The following OPCML variants were observed in gnomAD, a reference collection of about 807,000 sequenced individuals.
OPCML encodes opioid binding protein/cell adhesion molecule like, also known as opioid-binding protein/cell adhesion molecule.
A neutral mutation model predicts 37.8 loss-of-function variants in OPCML; 13 were observed. The observed-to-expected ratio is 0.34, with a 90% confidence interval of 0.22 to 0.55. OPCML has a LOEUF of 0.55. OPCML is among the 20% of genes least tolerant of loss of function. The pLI is 0.91. For missense variants in OPCML, 341 were observed against 435.6 expected (o/e 0.78, Z 1.93); for synonymous variants, 176 against 168.8 (o/e 1.04, Z -0.33).
chr11:132,466,811 T>C (rs2096121508), intron 4 of OPCML, among the ~76,000 whole-genome samples: 1 of 152,166 alleles, frequency 6.6e-6, no homozygotes, highest in Admixed American at 6.5e-5. Flanking sequence ...TACACATTCA[T>C]CCATTTTGGA....
intron 2 of OPCML, among the ~76,000 whole-genome samples, chr11:132,922,931 A>T (rs756097492): frequency 1.3e-5 from 2 of 151,080 alleles, no homozygotes; most frequent in Admixed American, 1.3e-4. Context: ...GTTTTTTTTT[A>T]AATTAGCCAG....
chr11:132,704,164 G>A (rs1207204836), intron 2 of OPCML, among the ~76,000 whole-genome samples: 1 of 152,140 alleles, frequency 6.6e-6, no homozygotes, highest in Non-Finnish European at 1.5e-5. Flanking sequence ...TAGTGCTTGT[G>A]TCTACAGGAA....
intron 2 of OPCML, chr11:132,771,779 G>A (rs934285315): frequency 2.0e-5 from 3 of 152,204 alleles, no homozygotes; most frequent in Non-Finnish European, 4.4e-5. Flanking sequence ...CCCAGACTGC[G>A]ATTCTGCACA....
chr11:132,640,494 C>A (rs919548468), intron 3 of OPCML, among the ~76,000 whole-genome samples: 1 of 152,174 alleles, frequency 6.6e-6, no homozygotes, highest in East Asian at 1.9e-4. Flanking sequence ...TGTTTGAGTT[C>A]TCTCCAACCA....
chr11:132,826,251 G>T (rs1271885719), intron 2 of OPCML, among the ~76,000 whole-genome samples: 6 of 152,198 alleles, frequency 3.9e-5, no homozygotes. Flanking sequence ...ACAAGCTCCT[G>T]TTGGCTTGGA....
At chr11:133,009,932 A>T (rs1947185328) in intron 1 of OPCML, among the ~76,000 whole-genome samples, 1 of 152,238 alleles carries the variant, frequency 6.6e-6, no homozygotes, top group African/African-American at 2.4e-5. Flanking sequence ...GCCATTAGAA[A>T]GCATTCAGAG....
At chr11:132,978,882 A>C (rs1367939141) in intron 1 of OPCML, among the ~76,000 whole-genome samples, 1 of 152,158 alleles carries the variant, frequency 6.6e-6, no homozygotes, top group Non-Finnish European at 1.5e-5. Flanking sequence ...TCATCTGCTC[A>C]GTTACCCTCT....
intron 2 of OPCML, among the ~76,000 whole-genome samples, chr11:132,933,977 A>G (rs871437): frequency 0.21 from 31,735 of 152,020 alleles, 4,725 homozygotes; most frequent in African/African-American, 0.41. Context: ...CCATCACAGG[A>G]GGTTCCAAAC....
intron 1 of OPCML, among the ~76,000 whole-genome samples, chr11:133,082,854 G>A (rs1268967003): frequency 6.7e-6 from 1 of 149,584 alleles, no homozygotes; most frequent in Non-Finnish European, 1.5e-5. Context: ...GCAGGGTGCC[G>A]GGGGCCCCTC....
intron 2 of OPCML, 127 bp downstream of exon 2, chr11:132,942,799 G>T: frequency 8.3e-7 from 1 of 1,208,456 alleles, no homozygotes. Flanking sequence ...GCAAGCGGGC[G>T]CCCCTCGGGC....
chr11:133,356,505 C>A (rs982451042), intron 1 of OPCML, among the ~76,000 whole-genome samples: 24 of 152,268 alleles, frequency 1.6e-4, no homozygotes, highest in African/African-American at 5.3e-4. Context: ...GGTTGTCAGG[C>A]GCCTTGTCAC....
chr11:133,251,203 A>G (rs1380116574), intron 1 of OPCML, among the ~76,000 whole-genome samples: 2 of 152,198 alleles, frequency 1.3e-5, no homozygotes, highest in Non-Finnish European at 2.9e-5. Context: ...GTTTCACGAC[A>G]GTGGGCTACA....
At position 132,452,497 on chromosome 11, in the gene OPCML, A is replaced by ACTTCCTTCCTTCCTTCCTTCCTTC. The variant is rs575180796; in HGVS notation, c.506-15162_506-15139dup. ...CCTGCCCTCCCTCCCTCCCTTCCTC[A>ACTTCCTTCCTTCCTTCCTTCCTTC]CTTCCTTCCTTCCTTCCTTCCTTCC... On this transcript the variant is annotated intron_variant, in intron 4 of 7. Transcript: ENST00000524381. 6.9e-4 allele frequency among the ~76,000 whole-genome samples: 67 copies of ACTTCCTTCCTTCCTTCCTTCCTTC among 96,824 alleles called. 2 individuals are homozygous for ACTTCCTTCCTTCCTTCCTTCCTTC. Among genetic ancestry groups the ACTTCCTTCCTTCCTTCCTTCCTTC allele is most frequent in the East Asian group, 1.7e-3 (5 of 2,890 alleles). 63.5% of individuals were successfully genotyped at this position (96,824 alleles called of 152,430 possible).
chr11:133,211,880 T>C lies in OPCML; in HGVS notation c.62-268870A>G, dbSNP rs1939375385. Among the ~76,000 whole-genome samples the C allele has an allele frequency of 6.6e-6, 1 of 152,180 alleles. No homozygotes were observed. The highest frequency in any genetic ancestry group is 1.5e-5 in the Non-Finnish European group (1 of 68,032). On this transcript the variant is annotated intron_variant, in intron 1 of 7. Coordinates refer to ENST00000524381, the MANE Select transcript of OPCML (RefSeq NM_001012393.5). The surrounding 1 kb of genome is among the most constrained non-coding windows in gnomAD (Gnocchi z 4.1). Reference sequence around the variant, plus strand: ...CTCTTCAAGATAGGGAGTTAAAGAATGCAAAGTTGAAGCCAAGACTGTCTG... The same window carrying C: ...CTCTTCAAGATAGGGAGTTAAAGAACGCAAAGTTGAAGCCAAGACTGTCTG...
At chr11:132,777,642 CT>C (rs1321327762) in intron 2 of OPCML, among the ~76,000 whole-genome samples, 2 of 152,148 alleles carry the variant, frequency 1.3e-5, no homozygotes, top group African/African-American at 4.8e-5. Context: ...TAGCTGTTCC[CT>C]TTAAAATTCA....
chr11:132,947,713 A>G (rs1945776129), intron 1 of OPCML, among the ~76,000 whole-genome samples: 1 of 152,218 alleles, frequency 6.6e-6, no homozygotes. Context: ...TTTCTAGGAA[A>G]TGCTTGGCTG....
At chr11:133,100,118 C>T (rs113476580) in intron 1 of OPCML, among the ~76,000 whole-genome samples, 3,218 of 152,206 alleles carry the variant, frequency 0.021, 84 homozygotes, top group African/African-American at 0.063. Flanking sequence ...GAACTAAACA[C>T]TGAGTACACA....
chr11:132,830,898 G>C (rs534630198), intron 2 of OPCML, among the ~76,000 whole-genome samples: 32 of 152,176 alleles, frequency 2.1e-4, no homozygotes, highest in Non-Finnish European at 4.1e-4. Flanking sequence ...CAGCAATATT[G>C]AGGAAAGGAA....
intron 1 of OPCML, among the ~76,000 whole-genome samples, chr11:132,951,598 T>C (rs1354060273): frequency 2.6e-5 from 4 of 152,206 alleles, no homozygotes; most frequent in Non-Finnish European, 5.9e-5. Flanking sequence ...GTAAAATAAT[T>C]GGCATCATGC....
Sources: gnomAD v4.1 joint callset for allele counts (sites outside exome capture counted in the v4.1 genomes callset) on GRCh38, gnomAD v4.1.1 for gene constraint, Gnocchi (gnomAD v3.1) non-coding constraint, MANE v1.5 for transcripts, NCBI Gene and HGNC (gene_info 2026-07-23, HGNC 2026-07-21) for gene names.